The following PXDN variants were observed in gnomAD, a reference collection of about 807,000 sequenced individuals.
PXDN encodes peroxidasin.
Under a neutral mutation model 140.3 loss-of-function variants are expected in PXDN, and 77 were observed. That is an observed-to-expected ratio of 0.55 (90% CI 0.46 to 0.66). The LOEUF (loss-of-function observed/expected upper bound fraction) is 0.66, where lower values mean the gene tolerates loss of function less well. Ranked by LOEUF, PXDN falls within the 30% of genes least tolerant of loss-of-function variation. The pLI, the probability that PXDN is intolerant of heterozygous loss-of-function variation, is 0.00. For missense variants in PXDN, 1,838 were observed against 2,039.5 expected, an observed-to-expected ratio of 0.90 and a Z score of 1.90; for synonymous variants, 911 against 857.4, an observed-to-expected ratio of 1.06 and a Z score of -1.09.
In PXDN at chr2:1,663,590, C is replaced by T; in HGVS notation, c.1567+15G>A. ...CTGAGAAAATCAATTCAGTCCACAA[C>T]CTCCTGGCACCTACCTCTGGGCTGC... On this transcript the variant is annotated intron_variant, in intron 12 of 22. Coordinates refer to ENST00000252804, the MANE Select transcript of PXDN (RefSeq NM_012293.3). The T allele has an allele frequency of 1.2e-6, 2 of 1,613,266 alleles. No homozygotes were observed. The highest frequency in any genetic ancestry group is 2.2e-5 in the South Asian group (2 of 91,048).
intron 6 of PXDN, among the ~76,000 whole-genome samples, chr2:1,681,269 G>A (rs1315922416): frequency 6.6e-6 from 1 of 152,124 alleles, no homozygotes; most frequent in Admixed American, 6.5e-5. Flanking sequence ...GCCCATGGCA[G>A]GAAACACACT....
intron 7 of PXDN, among the ~76,000 whole-genome samples, chr2:1,679,855 G>A (rs1268033527): frequency 4.9e-5 from 7 of 143,724 alleles, no homozygotes; most frequent in South Asian, 4.5e-4. Flanking sequence ...GTGTATGTGC[G>A]TGTGTGTGGT....
chr2:1,703,436 A>T (rs1417102979), intron 1 of PXDN, among the ~76,000 whole-genome samples: 3 of 49,678 alleles, frequency 6.0e-5, no homozygotes, highest in African/African-American at 2.8e-4. Flanking sequence ...CTCCAGGTGA[A>T]GCGGGGGACA....
intron 10 of PXDN, 35 bp downstream of exon 10, chr2:1,666,179 G>A (rs1374770514): frequency 1.9e-6 from 3 of 1,607,746 alleles, no homozygotes; most frequent in East Asian, 2.2e-5. Context: ...GGATGGGGCT[G>A]AGCCCTGGCT....
intron 16 of PXDN, among the ~76,000 whole-genome samples, chr2:1,652,245 T>C (rs927153190): frequency 6.6e-6 from 1 of 152,136 alleles, no homozygotes; most frequent in South Asian, 2.1e-4. Flanking sequence ...GCCACAGTAA[T>C]GTTTAAAGAT....
chr2:1,646,894 ATTTTT>A (rs1487918853), intron 17 of PXDN, among the ~76,000 whole-genome samples: 1 of 152,116 alleles, frequency 6.6e-6, no homozygotes, highest in Non-Finnish European at 1.5e-5. Flanking sequence ...CAATTATTTT[ATTTTT>A]ATTTATTATT....
In PXDN at chr2:1,648,761, G is replaced by A; in HGVS notation, c.3019C>T (p.Pro1007Ser). Residue 1007 changes from proline to serine, a missense_variant, in exon 17 of 23, where the codon CCG (proline) becomes TCG (serine). This residue lies in a region of PXDN where 850 missense variants were observed against 894.1 expected (regional missense o/e 0.95). Coordinates refer to ENST00000252804, the MANE Select transcript of PXDN (RefSeq NM_012293.3). The surrounding 1 kb of genome is among the most constrained non-coding windows in gnomAD (Gnocchi z 8.9). ...RIATELLKLNPHWDGDTIYYE... is the reference protein window; with the variant it reads ...RIATELLKLNSHWDGDTIYYE... ...TAGATGGTGTCGCCGTCCCAGTGCG[G>A]GTTCAGCTTGAGCAGCTCCGTGGCA... is the stretch of plus-strand genomic sequence containing the variant. The A allele has an allele frequency of 1.2e-6, 2 of 1,604,014 alleles. No homozygotes were observed. Among genetic ancestry groups the A allele is most frequent in the Non-Finnish European group, 1.7e-6 (2 of 1,175,970 alleles).
At chr2:1,727,847 G>C (rs1003658977) in intron 1 of PXDN, among the ~76,000 whole-genome samples, 1 of 152,224 alleles carries the variant, frequency 6.6e-6, no homozygotes, top group African/African-American at 2.4e-5. Flanking sequence ...TGAAAGGCAA[G>C]ATATTTTCTC....
rs1405104719 is a variant in PXDN, at chr2:1,676,946, T to C, written c.829A>G (p.Ile277Val). ...CRAEGNPKPE[I>V]IWLRNNNELS... Reference sequence around the variant, plus strand: ...ACTCACTTGTTTCGCAGCCAGATGATCTCAGGCTTGGGGTTGCCTTCGGCT... The same window carrying C: ...ACTCACTTGTTTCGCAGCCAGATGACCTCAGGCTTGGGGTTGCCTTCGGCT... Residue 277 changes from isoleucine to valine, a missense_variant, in exon 8 of 23, where the codon ATC becomes GTC. Coordinates refer to ENST00000252804, the MANE Select transcript of PXDN (RefSeq NM_012293.3). 6.2e-7 allele frequency: 1 copy of C among 1,612,526 alleles called. No individual in the cohort carries two copies. Among genetic ancestry groups the C allele is most frequent in the Non-Finnish European group, 8.5e-7 (1 of 1,179,416 alleles).
At chr2:1,640,988 C>T (rs1682714024) in intron 19 of PXDN, among the ~76,000 whole-genome samples, 1 of 152,210 alleles carries the variant, frequency 6.6e-6, no homozygotes. Flanking sequence ...CACACCTGCT[C>T]AGCGGCCTGG....
chr2:1,640,009 A>G (rs1682678126), intron 19 of PXDN, among the ~76,000 whole-genome samples: 1 of 152,056 alleles, frequency 6.6e-6, no homozygotes, highest in Admixed American at 6.5e-5. Flanking sequence ...CGGGTGAGTG[A>G]GGGGCCCTCA....
chr2:1,668,316 G>C (rs1232333392), intron 9 of PXDN, among the ~76,000 whole-genome samples: 3 of 152,138 alleles, frequency 2.0e-5, no homozygotes, highest in African/African-American at 4.8e-5. Context: ...ATGGATTAAA[G>C]ACTTAAACAT....
rs576366337 is a variant in PXDN at position 1,710,410 on chromosome 2, T to C, written c.201-17276A>G. On this transcript the variant is annotated intron_variant, in intron 1 of 22. Transcript: ENST00000252804. ...TGGAGACAGCAGCACACGGTGGTGG[T>C]ATTAGGAGGTGTGAAGCCTTTGGAG... is the stretch of plus-strand genomic sequence containing the variant. 2.6e-5 allele frequency among the ~76,000 whole-genome samples: 4 copies of C among 152,196 alleles called. No individual in the cohort carries two copies. The East Asian group carries it at 7.7e-4, about 29-fold the overall frequency.
Position 1,662,106 on chromosome 2 carries a change from TGGGAGCTGCAC to T in PXDN, c.1635_1645del (p.Cys546GlyfsTer27), listed in dbSNP as rs1483195835. The T allele has an allele frequency of 6.3e-7, 1 of 1,596,686 alleles. No individual in the cohort carries two copies. Among genetic ancestry groups the T allele is most frequent in the South Asian group, 1.1e-5 (1 of 87,762 alleles). The stretch of plus-strand genomic sequence containing the variant: ...GGTGATGGCTGGCTCGGGCTCGCCC[TGGGAGCTGCAC>T]GGGAGCTGCACATTGGCGCCCACCT... On this transcript the variant is annotated frameshift_variant, in exon 13 of 23. Coordinates refer to ENST00000252804, the MANE Select transcript of PXDN (RefSeq NM_012293.3). LOFTEE classifies it high-confidence loss of function.
intron 21 of PXDN, among the ~76,000 whole-genome samples, chr2:1,638,230 T>C (rs933214146): frequency 6.6e-6 from 1 of 152,100 alleles, no homozygotes; most frequent in Non-Finnish European, 1.5e-5. Context: ...TATTTAGCCA[T>C]AGGTCTCAAT....
rs1419650381 is a variant in PXDN, at chr2:1,644,808, A to G, written c.3609-56T>C. 20 of 1,338,460 alleles carry G rather than the reference A, an allele frequency of 1.5e-5. No individual in the cohort carries two copies. In the Admixed American group the frequency reaches 1.6e-4, roughly 11 times the overall value. 82.9% of individuals were successfully genotyped at this position (1,338,460 alleles called of 1,614,324 possible). On this transcript the variant is annotated intron_variant, in intron 17 of 22. Coordinates refer to ENST00000252804, the MANE Select transcript of PXDN (RefSeq NM_012293.3). ...CTAACAAAGCTGCACGTGGTAAAAA[A>G]TACAGCAAATATAAAAACAGTTCTT...
At chr2:1,638,255 G>A (rs946018418) in intron 21 of PXDN, among the ~76,000 whole-genome samples, 1 of 152,106 alleles carries the variant, frequency 6.6e-6, no homozygotes, top group African/African-American at 2.4e-5. Flanking sequence ...ACCCCCTTAC[G>A]TAAAATCCCA....
intron 8 of PXDN, among the ~76,000 whole-genome samples, chr2:1,674,922 G>C (rs1683661505): frequency 6.6e-6 from 1 of 152,160 alleles, no homozygotes; most frequent in Admixed American, 6.5e-5. Context: ...CATGCAGGAG[G>C]AGCAGCACCA....
intron 16 of PXDN, among the ~76,000 whole-genome samples, chr2:1,652,614 A>G (rs1336150069): frequency 6.7e-6 from 1 of 149,642 alleles, no homozygotes; most frequent in Non-Finnish European, 1.5e-5. Context: ...CCCAGCCACG[A>G]GAGGCCAGGA....
Sources: allele counts gnomAD v4.1 joint callset (sites outside exome capture counted in the v4.1 genomes callset), GRCh38; gene constraint gnomAD v4.1.1; regional missense constraint gnomAD v4.1.1; non-coding constraint Gnocchi (gnomAD v3.1); transcripts MANE v1.5; gene names NCBI Gene and HGNC (gene_info 2026-07-23, HGNC 2026-07-21).